The following SATB2 variants were observed in gnomAD, a reference collection of about 807,000 sequenced individuals.
SATB2 encodes the protein SATB homeobox 2.
A neutral mutation model predicts 73.4 loss-of-function variants in SATB2; 1 was observed. The observed-to-expected ratio is 0.01, with a 90% CI of 0.00 to 0.06. The LOEUF is 0.06. Among genes scored for constraint, SATB2 ranks in the 10% least tolerant of loss-of-function variants. SATB2 has a pLI of 1.00. For missense variants in SATB2, 459 were observed against 945.8 expected (o/e 0.49, Z 6.75); for synonymous variants, 397 against 367.0 (o/e 1.08, Z -0.93).
At chr2:199,283,503 C>T (rs1315555964) in intron 10 of SATB2, among the ~76,000 whole-genome samples, 1 of 150,344 alleles carries the variant, frequency 6.7e-6, no homozygotes, top group Non-Finnish European at 1.5e-5. Flanking sequence ...CAGCATTTCC[C>T]ACCAGTGCTT....
At chr2:199,376,460 G>A (rs972165624) in intron 5 of SATB2, among the ~76,000 whole-genome samples, 1 of 152,128 alleles carries the variant, frequency 6.6e-6, no homozygotes. Flanking sequence ...GCAACATCTG[G>A]AGACATTTTG....
chr2:199,441,176 C>A (rs1420328480), intron 2 of SATB2, among the ~76,000 whole-genome samples: 1 of 151,920 alleles, frequency 6.6e-6, no homozygotes, highest in African/African-American at 2.4e-5. Flanking sequence ...ACAAACTGAG[C>A]CATACATACA....
intron 6 of SATB2, among the ~76,000 whole-genome samples, chr2:199,362,677 C>T (rs1232481739): frequency 6.6e-6 from 1 of 152,006 alleles, no homozygotes; most frequent in African/African-American, 2.4e-5. Flanking sequence ...TATTCCCAGC[C>T]CTTAGAATCC....
chr2:199,358,987 C>A (rs1408030096), intron 6 of SATB2, among the ~76,000 whole-genome samples: 1 of 152,092 alleles, frequency 6.6e-6, no homozygotes, highest in Non-Finnish European at 1.5e-5. Context: ...CTGCTTATAT[C>A]TAATAATATC....
chr2:199,272,406 G>A lies in SATB2; in HGVS notation c.2007C>T (p.His669=), dbSNP rs764418629. ...CTTTCAGCTTCCCGTGGTGCTTCAC[G>A]TGGTACCGCTGGTTCTGGAAGAACT... ...IIKFFQNQRY[H]VKHHGKLKEH... is the part of the protein sequence containing the mutation. Residue 669 remains histidine, a synonymous_variant, in exon 11 of 11, where the codon CAC becomes CAT. Coordinates refer to ENST00000417098, the MANE Select transcript of SATB2 (RefSeq NM_001172509.2). The surrounding 1 kb of genome is among the most constrained non-coding windows in gnomAD (Gnocchi z 6.7). 1.6e-5 allele frequency: 26 copies of A among 1,614,072 alleles called. No individual in the cohort carries two copies. The highest frequency in any genetic ancestry group is 2.0e-5 in the Non-Finnish European group (24 of 1,180,040).
intron 10 of SATB2, among the ~76,000 whole-genome samples, chr2:199,304,482 G>A (rs1687375794): frequency 1.3e-5 from 2 of 152,120 alleles, no homozygotes; most frequent in East Asian, 1.9e-4. Flanking sequence ...GATCCCCTCA[G>A]AAGGTTTTTG....
At chr2:199,329,134 C>A in intron 7 of SATB2, 1 of 574,910 alleles carries the variant, frequency 1.7e-6, no homozygotes. Flanking sequence ...TTTATCATCA[C>A]TGTAATAATC....
At chr2:199,294,623 T>C (rs1259563602) in intron 10 of SATB2, among the ~76,000 whole-genome samples, 1 of 152,194 alleles carries the variant, frequency 6.6e-6, no homozygotes, top group Non-Finnish European at 1.5e-5. Context: ...TGGAAATATT[T>C]GACATTGGCC....
chr2:199,313,802 G>T (rs1202851856), intron 9 of SATB2, among the ~76,000 whole-genome samples: 1 of 152,102 alleles, frequency 6.6e-6, no homozygotes, highest in Non-Finnish European at 1.5e-5. Context: ...ATAAAGGAGA[G>T]AACCTCTAGT....
intron 5 of SATB2, among the ~76,000 whole-genome samples, chr2:199,373,911 C>T (rs776037137): frequency 5.9e-5 from 9 of 152,188 alleles, no homozygotes; most frequent in African/African-American, 9.7e-5. Context: ...TTAAATTAAA[C>T]GGACAGTTGG....
At chr2:199,384,250 A>G (rs1441771897) in intron 3 of SATB2, among the ~76,000 whole-genome samples, 4 of 152,196 alleles carry the variant, frequency 2.6e-5, no homozygotes, top group African/African-American at 9.6e-5. Context: ...TTTGGTTTCT[A>G]TATCTTGGAA....
intron 6 of SATB2, among the ~76,000 whole-genome samples, chr2:199,361,733 C>T (rs1350107991): frequency 1.3e-5 from 2 of 151,636 alleles, no homozygotes; most frequent in Admixed American, 6.6e-5. Context: ...CAAATATGAT[C>T]GCCCAGCCAG....
At chr2:199,354,130 G>A (rs1336957275) in intron 6 of SATB2, among the ~76,000 whole-genome samples, 1 of 152,166 alleles carries the variant, frequency 6.6e-6, no homozygotes, top group Non-Finnish European at 1.5e-5. Context: ...GGCCAAGGAG[G>A]GCGGATCACT....
Position 199,314,183 on chromosome 2 carries a change from G to A in SATB2, c.1543-5226C>T, listed in dbSNP as rs76538713. Among the ~76,000 whole-genome samples, 102 of 152,252 alleles carry A rather than the reference G, an allele frequency of 6.7e-4. No homozygotes were observed. In the East Asian group the frequency reaches 0.018, roughly 28 times the overall value. ...GAACAGTTAGCTTCTTGATGGGAGT[G>A]GAGGGCAAGGGTTTGTTTCTTACTC... On this transcript the variant is annotated intron_variant, in intron 9 of 10. Coordinates refer to ENST00000417098, the MANE Select transcript of SATB2 (RefSeq NM_001172509.2).
chr2:199,454,707 T>C (rs1039545718), intron 2 of SATB2, among the ~76,000 whole-genome samples: 4 of 152,074 alleles, frequency 2.6e-5, no homozygotes, highest in Admixed American at 6.5e-5. Context: ...CATGAAGAAA[T>C]AGAAATAGCA....
At chr2:199,281,880 CTCTTT>C (rs1692510591) in intron 10 of SATB2, among the ~76,000 whole-genome samples, 2 of 113,484 alleles carry the variant, frequency 1.8e-5, no homozygotes, top group Admixed American at 1.3e-4. Flanking sequence ...CATATTCTCT[CTCTTT>C]TTTTTTTTTT....
At chr2:199,462,689 C>T (rs1292251856), upstream of SATB2, among the ~76,000 whole-genome samples, 3 of 152,182 alleles carry the variant, frequency 2.0e-5, no homozygotes, top group African/African-American at 7.2e-5. This position sits in a 1 kb window ranked among gnomAD's most constrained non-coding sequence, Gnocchi z 5.9. Context: ...GGGAAGGAAG[C>T]CGTCGGCCGC....
intron 10 of SATB2, among the ~76,000 whole-genome samples, chr2:199,300,139 A>G (rs1238231375): frequency 4.7e-5 from 7 of 150,108 alleles, no homozygotes; most frequent in African/African-American, 1.7e-4. Context: ...AGTGTTTCAT[A>G]TTTTATTTTT....
intron 3 of SATB2, among the ~76,000 whole-genome samples, chr2:199,401,577 A>G (rs1332750490): frequency 3.0e-4 from 46 of 151,948 alleles, no homozygotes. Context: ...AAATAATAGG[A>G]TGTTATGAGA....
Sources: allele counts gnomAD v4.1 joint callset (sites outside exome capture counted in the v4.1 genomes callset), GRCh38; gene constraint gnomAD v4.1.1; non-coding constraint Gnocchi (gnomAD v3.1); transcripts MANE v1.5; gene names NCBI Gene and HGNC (gene_info 2026-07-23, HGNC 2026-07-21).